The following KDM1A variants were observed in gnomAD, a reference collection of about 807,000 sequenced individuals.
KDM1A encodes lysine-specific histone demethylase 1A.
A neutral mutation model predicts 109.4 loss-of-function variants in KDM1A; 49 were observed. That is an observed-to-expected ratio of 0.45 (90% CI 0.36 to 0.57). The LOEUF is 0.57. KDM1A is among the 20% of genes least tolerant of loss of function. The pLI, the probability that KDM1A is intolerant of heterozygous loss-of-function variation, is 0.00. For missense variants in KDM1A, 668 were observed against 1,116.6 expected (o/e 0.60, Z 5.73); for synonymous variants, 380 against 415.4 (o/e 0.91, Z 1.04).
chr1:23,064,904 A>G (rs919681002), intron 9 of KDM1A, among the ~76,000 whole-genome samples: 3 of 152,242 alleles, frequency 2.0e-5, no homozygotes, highest in African/African-American at 7.2e-5. Context: ...CAAAAAGTCA[A>G]TCAAAATCTG....
At chr1:23,067,684 A>G (rs1436217180) in intron 10 of KDM1A, among the ~76,000 whole-genome samples, 2 of 152,242 alleles carry the variant, frequency 1.3e-5, no homozygotes, top group African/African-American at 4.8e-5. Context: ...TGCCTTAAAC[A>G]TATTTTTTCT....
chr1:23,045,874 A>G (rs545010703), intron 3 of KDM1A, among the ~76,000 whole-genome samples: 9 of 152,300 alleles, frequency 5.9e-5, no homozygotes, highest in Admixed American at 1.3e-4. Context: ...GTTCAGAAGC[A>G]TGCATTTGTG....
intron 4 of KDM1A, among the ~76,000 whole-genome samples, chr1:23,052,975 A>G (rs1642715329): frequency 2.0e-5 from 3 of 152,042 alleles, no homozygotes; most frequent in African/African-American, 7.2e-5. Context: ...TCTTCTTGTT[A>G]TCTTGGAGCT....
In KDM1A at chr1:23,019,563, G is replaced by A; in HGVS notation, c.-34G>A. 1.4e-6 allele frequency: 2 copies of A among 1,385,914 alleles called. No individual in the cohort carries two copies. The highest frequency in any genetic ancestry group is 1.5e-5 in the African/African-American group (1 of 66,546). The allele number at this position is 1,385,914 out of a possible 1,614,324, so 85.9% of individuals were successfully genotyped here. A position where few individuals can be genotyped will look rare whatever the true frequency, so the allele number is the denominator to read the frequency against. ...GACCCACGGAGCGACAGAGCGAGCG[G>A]CCCCTACGGCCGTCGGCGGCCCGGC... On this transcript the variant is annotated 5_prime_UTR_variant, in exon 1 of 21. Coordinates refer to ENST00000400181, the MANE Select transcript of KDM1A (RefSeq NM_001009999.3).
chr1:23,037,497 T>C (rs770488779), intron 2 of KDM1A, among the ~76,000 whole-genome samples: 71 of 152,176 alleles, frequency 4.7e-4, no homozygotes, highest in Non-Finnish European at 8.5e-4. Flanking sequence ...CATTGCAGAA[T>C]GACCAAATTT....
intron 18 of KDM1A, among the ~76,000 whole-genome samples, chr1:23,080,244 G>A (rs1445197529): frequency 6.6e-6 from 1 of 152,086 alleles, no homozygotes; most frequent in African/African-American, 2.4e-5. Flanking sequence ...TCACTGCCCA[G>A]TGGTGAATGG....
At chr1:23,039,535 T>G (rs1487940557) in intron 2 of KDM1A, among the ~76,000 whole-genome samples, 1 of 152,236 alleles carries the variant, frequency 6.6e-6, no homozygotes, top group Non-Finnish European at 1.5e-5. Context: ...TTTCCTTCAT[T>G]ACTACTAAAA....
At chr1:23,047,284 A>T (rs1642529012) in intron 3 of KDM1A, among the ~76,000 whole-genome samples, 1 of 152,210 alleles carries the variant, frequency 6.6e-6, no homozygotes, top group Admixed American at 6.5e-5. Context: ...TCCTTAAAAT[A>T]AGTATCCCTA....
rs1643626638 is a variant in KDM1A at position 23,081,759 on chromosome 1, C to T, written c.2298+186C>T. The T allele has an allele frequency of 5.3e-5, 33 of 625,426 alleles. 1 individual carries two copies. The South Asian group carries it at 8.1e-4, about 15-fold the overall frequency. 38.7% of individuals were successfully genotyped at this position (625,426 alleles called of 1,614,324 possible). ...TTCAGAAAACCCCCCAGGACAAGAG[C>T]TGGGGAGTCTGAAGGCTGCTAGCTG... On this transcript the variant is annotated intron_variant, in intron 19 of 20. Transcript: ENST00000400181.
intron 2 of KDM1A, among the ~76,000 whole-genome samples, chr1:23,037,932 C>T (rs1642197240): frequency 6.6e-6 from 1 of 151,974 alleles, no homozygotes; most frequent in Admixed American, 6.6e-5. Flanking sequence ...CTTTTTGTTG[C>T]CATCATTTAT....
chr1:23,038,053 T>C (rs145360595), intron 2 of KDM1A, among the ~76,000 whole-genome samples: 1,974 of 152,306 alleles, frequency 0.013, 29 homozygotes, highest in African/African-American at 0.044. Flanking sequence ...CACCTTTATG[T>C]ATAAACATCT....
At chr1:23,080,136 C>T (rs1270857438) in intron 18 of KDM1A, among the ~76,000 whole-genome samples, 1 of 152,132 alleles carries the variant, frequency 6.6e-6, no homozygotes, top group Non-Finnish European at 1.5e-5. Context: ...CACCTCATTC[C>T]AAGAAAAGGC....
chr1:23,061,296 G>A (rs1022332060), intron 9 of KDM1A, among the ~76,000 whole-genome samples: 1 of 152,084 alleles, frequency 6.6e-6, no homozygotes, highest in Non-Finnish European at 1.5e-5. Context: ...GAAGAAAGTG[G>A]TGCGTTGATT....
intron 2 of KDM1A, among the ~76,000 whole-genome samples, chr1:23,035,583 G>T (rs749369754): frequency 3.3e-5 from 5 of 152,090 alleles, no homozygotes; most frequent in Non-Finnish European, 5.9e-5. Flanking sequence ...AATAAATTTG[G>T]GGGCTTGTTC....
intron 2 of KDM1A, among the ~76,000 whole-genome samples, chr1:23,041,430 TCTTG>T (rs1390233465): frequency 6.9e-6 from 1 of 144,590 alleles, no homozygotes; most frequent in African/African-American, 2.5e-5. Context: ...GAGTTTCTTT[TCTTG>T]CTTTTTTTTT....
At chr1:23,072,273 A>C in intron 14 of KDM1A, 76 bp downstream of exon 14, 2 of 1,020,440 alleles carry the variant, frequency 2.0e-6, no homozygotes, top group Non-Finnish European at 3.0e-6. Flanking sequence ...GGAAAATTCT[A>C]AATCATAATG....
intron 9 of KDM1A, 29 bp from the exon 10 acceptor site, chr1:23,066,031 A>AT (rs1557574959): frequency 6.2e-7 from 1 of 1,605,548 alleles, no homozygotes; most frequent in African/African-American, 1.3e-5. Context: ...TTTACAGTTT[A>AT]TTTCTCTCTC....
chr1:23,082,427 C>T, intron 20 of KDM1A, 61 bp downstream of exon 20: 3 of 1,395,282 alleles, frequency 2.2e-6, no homozygotes, highest in Non-Finnish European at 2.9e-6. Context: ...CATGATGTCC[C>T]TGATTTTTTT....
chr1:23,045,353 G>A (rs1023389377), intron 3 of KDM1A, among the ~76,000 whole-genome samples: 9 of 152,050 alleles, frequency 5.9e-5, no homozygotes, highest in African/African-American at 1.9e-4. Context: ...ACAGGTCCTG[G>A]GACTGTTTCT....
Sources: allele counts gnomAD v4.1 joint callset (sites outside exome capture counted in the v4.1 genomes callset), GRCh38; gene constraint gnomAD v4.1.1; transcripts MANE v1.5; gene names NCBI Gene and HGNC (gene_info 2026-07-23, HGNC 2026-07-21).